SDHAF3: variants seen among roughly 807,000 people sequenced by gnomAD.
SDHAF3 encodes the protein succinate dehydrogenase complex assembly factor 3.
A neutral mutation model predicts 11.5 loss-of-function variants in SDHAF3; 18 were observed. The ratio of observed to expected loss-of-function variants is 1.56; its 90% CI spans 1.08 to 2.32. SDHAF3 has a LOEUF of 2.32. Ranked by LOEUF, SDHAF3 falls within the 30% of genes most tolerant of loss-of-function variation. The pLI is 0.00. For synonymous variants in SDHAF3, 72 were observed against 59.3 expected, an observed-to-expected ratio of 1.21 and a Z score of -0.99; for missense variants, 200 against 154.4, an observed-to-expected ratio of 1.30 and a Z score of -1.57.
intron 1 of SDHAF3, among the ~76,000 whole-genome samples, chr7:97,155,595 A>G (rs2115702830): frequency 6.6e-6 from 1 of 152,256 alleles, no homozygotes; most frequent in African/African-American, 2.4e-5. Flanking sequence ...GTGATTAACT[A>G]CCTTATTACT....
At chr7:97,118,682 A>T (rs756929223) in intron 1 of SDHAF3, among the ~76,000 whole-genome samples, 1 of 152,268 alleles carries the variant, frequency 6.6e-6, no homozygotes, top group Admixed American at 6.5e-5. Flanking sequence ...TTGGAATGAC[A>T]GCTCAGATAT....
At chr7:97,154,238 G>C (rs1789270451) in intron 1 of SDHAF3, among the ~76,000 whole-genome samples, 1 of 152,106 alleles carries the variant, frequency 6.6e-6, no homozygotes, top group East Asian at 1.9e-4. Context: ...ATGAGTTAGA[G>C]TGGGGCAGAA....
intron 1 of SDHAF3, among the ~76,000 whole-genome samples, chr7:97,144,967 G>A (rs1027677628): frequency 6.6e-6 from 1 of 151,478 alleles, no homozygotes; most frequent in Non-Finnish European, 1.5e-5. Context: ...TGTGTGATCT[G>A]TGATTTCTCT....
chr7:97,121,854 G>GTTTTTTTTTTT (rs56186976), intron 1 of SDHAF3, among the ~76,000 whole-genome samples: 2 of 129,930 alleles, frequency 1.5e-5, no homozygotes, highest in Non-Finnish European at 3.3e-5. Flanking sequence ...TTTTTTTTTT[G>GTTTTTTTTTTT]TTTTTTTTTT....
At chr7:97,122,259 A>G (rs148058831) in intron 1 of SDHAF3, among the ~76,000 whole-genome samples, 10 of 152,358 alleles carry the variant, frequency 6.6e-5, no homozygotes, top group Admixed American at 3.9e-4. Flanking sequence ...GGCAGGAGAC[A>G]GGATATTCTG....
intron 1 of SDHAF3, chr7:97,135,603 C>CTG (rs368986011): frequency 0.12 from 13,726 of 111,978 alleles, 756 homozygotes; most frequent in Middle Eastern, 0.18. Context: ...GTGTGTGTGT[C>CTG]TGTGTGTGTG....
intron 1 of SDHAF3, among the ~76,000 whole-genome samples, chr7:97,175,642 A>G (rs1320088332): frequency 6.6e-6 from 1 of 152,232 alleles, no homozygotes; most frequent in Non-Finnish European, 1.5e-5. Flanking sequence ...CAAGTTTAAT[A>G]TACAGGTAGA....
chr7:97,146,249 A>AGGACAATATAATAATATT (rs1357154086), intron 1 of SDHAF3, among the ~76,000 whole-genome samples: 1 of 152,032 alleles, frequency 6.6e-6, no homozygotes, highest in African/African-American at 2.4e-5. Flanking sequence ...GTCTATTATT[A>AGGACAATATAATAATATT]GTTTGGTTGT....
chr7:97,150,354 A>G (rs1159276455), intron 1 of SDHAF3, among the ~76,000 whole-genome samples: 1 of 152,200 alleles, frequency 6.6e-6, no homozygotes, highest in Non-Finnish European at 1.5e-5. Flanking sequence ...CAGAGGAATC[A>G]CTATCTATGT....
chr7:97,154,636 C>G (rs1789275151), intron 1 of SDHAF3, among the ~76,000 whole-genome samples: 2 of 151,972 alleles, frequency 1.3e-5, no homozygotes, highest in South Asian at 4.2e-4. Context: ...TTGATGAAAC[C>G]CAGTTTATCA....
intron 1 of SDHAF3, among the ~76,000 whole-genome samples, chr7:97,149,603 C>G (rs139883134): frequency 6.6e-6 from 1 of 152,080 alleles, no homozygotes; most frequent in Non-Finnish European, 1.5e-5. Flanking sequence ...CTAAGTGTGT[C>G]GTAGCATTGT....
At chr7:97,165,526 A>T (rs1055643655) in intron 1 of SDHAF3, among the ~76,000 whole-genome samples, 11 of 152,130 alleles carry the variant, frequency 7.2e-5, no homozygotes, top group African/African-American at 2.2e-4. Flanking sequence ...TGAAGAATTT[A>T]AATGACTAGG....
chr7:97,121,606 A>G (rs544743146), intron 1 of SDHAF3, among the ~76,000 whole-genome samples: 1 of 152,222 alleles, frequency 6.6e-6, no homozygotes, highest in Non-Finnish European at 1.5e-5. Flanking sequence ...TAATAAATGT[A>G]TTTTACTTTC....
At chr7:97,176,335 G>A (rs542018887) in intron 1 of SDHAF3, among the ~76,000 whole-genome samples, 1 of 152,248 alleles carries the variant, frequency 6.6e-6, no homozygotes, top group African/African-American at 2.4e-5. Flanking sequence ...AGCAATCATA[G>A]GGAATCTTCT....
intron 1 of SDHAF3, among the ~76,000 whole-genome samples, chr7:97,164,537 C>T (rs141276032): frequency 9.9e-5 from 15 of 151,864 alleles, no homozygotes; most frequent in East Asian, 3.9e-4. Context: ...CCACAACACC[C>T]GGCCAATTTT....
At chr7:97,123,769 T>G (rs12795707) in intron 1 of SDHAF3, among the ~76,000 whole-genome samples, 16,131 of 151,300 alleles carry the variant, frequency 0.11, 876 homozygotes, top group Middle Eastern at 0.16. Context: ...TTTCTTATGT[T>G]TGTTTACTGC....
At chr7:97,118,682 A>G (rs756929223) in intron 1 of SDHAF3, among the ~76,000 whole-genome samples, 115 of 152,150 alleles carry the variant, frequency 7.6e-4, no homozygotes, top group Non-Finnish European at 8.2e-4. Flanking sequence ...TTGGAATGAC[A>G]GCTCAGATAT....
intron 1 of SDHAF3, among the ~76,000 whole-genome samples, chr7:97,127,879 A>G (rs1440604782): frequency 2.7e-5 from 4 of 145,542 alleles, no homozygotes; most frequent in East Asian, 2.0e-4. Context: ...TGTCACACAT[A>G]TATGTTTTCT....
intron 1 of SDHAF3, among the ~76,000 whole-genome samples, chr7:97,150,211 G>A (rs968273153): frequency 6.6e-6 from 1 of 152,142 alleles, no homozygotes; most frequent in Admixed American, 6.5e-5. Context: ...CATGAGGGTT[G>A]GAATCAGCTT....
Sources: gnomAD v4.1 joint callset for allele counts (sites outside exome capture counted in the v4.1 genomes callset) on GRCh38, gnomAD v4.1.1 for gene constraint, MANE v1.5 for transcripts, NCBI Gene and HGNC (gene_info 2026-07-23, HGNC 2026-07-21) for gene names.